The following CLIC4 variants were observed in gnomAD, a reference collection of about 807,000 sequenced individuals.
CLIC4 encodes CLIC family member 4.
In CLIC4, 13 loss-of-function variants were observed where a neutral mutation model predicts 24.6. The observed-to-expected ratio is 0.53, with a 90% CI of 0.34 to 0.84. The LOEUF (loss-of-function observed/expected upper bound fraction) is 0.84. Ranked by LOEUF, CLIC4 falls within the 40% of genes least tolerant of loss-of-function variation. The pLI is 0.01. For synonymous variants in CLIC4, 104 were observed against 111.3 expected (o/e 0.93, Z 0.41); for missense variants, 227 against 301.7 (o/e 0.75, Z 1.83).
intron 3 of CLIC4, among the ~76,000 whole-genome samples, chr1:24,823,401 C>T (rs1473352529): frequency 6.6e-6 from 1 of 152,110 alleles, no homozygotes; most frequent in African/African-American, 2.4e-5. Context: ...AGCTAACTTA[C>T]TGATAAAAGG....
chr1:24,827,098 A>C lies in CLIC4; in HGVS notation c.397A>C (p.Arg133=), dbSNP rs748598324. ...AKFSAYIKNS[R]PEANEALERG... ...ATTCTCTGCATATATCAAGAATTCA[A>C]GGCCAGAGGCTAATGAAGGTAAAAA... Residue 133 remains arginine (R), a synonymous_variant, in exon 4 of 6, where the codon AGG becomes CGG. Transcript: ENST00000374379. 6.2e-7 allele frequency: 1 copy of C among 1,605,784 alleles called. No individual in the cohort carries two copies. The highest frequency in any genetic ancestry group is 8.5e-7 in the Non-Finnish European group (1 of 1,176,892).
intron 2 of CLIC4, among the ~76,000 whole-genome samples, chr1:24,800,619 A>C (rs1639476561): frequency 6.6e-6 from 1 of 152,214 alleles, no homozygotes. Flanking sequence ...TTTGTGGAAT[A>C]GAAAGGCGGG....
intron 1 of CLIC4, among the ~76,000 whole-genome samples, chr1:24,768,267 T>C (rs1457406348): frequency 6.6e-6 from 1 of 152,242 alleles, no homozygotes; most frequent in African/African-American, 2.4e-5. Context: ...TTTTGAATTA[T>C]GGATTTTGGC....
At chr1:24,829,117 G>T (rs891071762) in intron 4 of CLIC4, among the ~76,000 whole-genome samples, 1 of 152,106 alleles carries the variant, frequency 6.6e-6, no homozygotes, top group Non-Finnish European at 1.5e-5. Flanking sequence ...CCACCCAGAT[G>T]CTGACAATTT....
chr1:24,840,287 G>A (rs558156791), intron 5 of CLIC4, among the ~76,000 whole-genome samples: 3 of 152,050 alleles, frequency 2.0e-5, no homozygotes, highest in Non-Finnish European at 4.4e-5. Flanking sequence ...GATATAATGC[G>A]TGACTTTGAA....
chr1:24,746,558 A>G (rs1483701585), intron 1 of CLIC4, among the ~76,000 whole-genome samples: 1 of 149,700 alleles, frequency 6.7e-6, no homozygotes, highest in Non-Finnish European at 1.5e-5. Flanking sequence ...CTCAAAACTT[A>G]AAAAAAACAC....
intron 1 of CLIC4, among the ~76,000 whole-genome samples, chr1:24,786,440 G>A (rs754080926): frequency 2.0e-5 from 3 of 152,182 alleles, no homozygotes; most frequent in Admixed American, 6.5e-5. Flanking sequence ...ACAGGGGTGT[G>A]AAGGGAAGAG....
Position 24,814,175 on chromosome 1 carries a change from A to G in CLIC4, c.264A>G (p.Val88=), listed in dbSNP as rs755482414. 19 of 1,613,984 alleles carry G rather than the reference A, an allele frequency of 1.2e-5. No homozygotes were observed. The highest frequency in any genetic ancestry group is 1.6e-5 in the Non-Finnish European group (19 of 1,179,988). Residue 88 remains valine, a synonymous_variant, in exon 3 of 6, where the codon GTA becomes GTG. Transcript: ENST00000374379. The stretch of plus-strand genomic sequence containing the variant: ...TCAACAGTGAAGTCAAAACGGATGT[A>G]AATAAGATTGAGGAATTTCTTGAAG... ...ITFNSEVKTD[V]NKIEEFLEEV...
At chr1:24,756,552 T>A (rs1186693603) in intron 1 of CLIC4, among the ~76,000 whole-genome samples, 1 of 152,200 alleles carries the variant, frequency 6.6e-6, no homozygotes, top group African/African-American at 2.4e-5. Flanking sequence ...GATTTAGTTC[T>A]CATTATAATA....
chr1:24,762,656 C>T (rs1638943448), intron 1 of CLIC4, among the ~76,000 whole-genome samples: 1 of 152,146 alleles, frequency 6.6e-6, no homozygotes, highest in African/African-American at 2.4e-5. Context: ...CCAGTTGTAT[C>T]AAGCTGAGTG....
intron 1 of CLIC4, among the ~76,000 whole-genome samples, chr1:24,781,699 G>T (rs1174896839): frequency 1.3e-5 from 2 of 149,874 alleles, no homozygotes; most frequent in South Asian, 4.2e-4. Flanking sequence ...ACGGAGTCTC[G>T]CACTGTTGCA....
chr1:24,757,637 G>A (rs1328524935), intron 1 of CLIC4, among the ~76,000 whole-genome samples: 1 of 152,050 alleles, frequency 6.6e-6, no homozygotes, highest in Non-Finnish European at 1.5e-5. Flanking sequence ...AGAAAAAGTG[G>A]TAGCTGTGAA....
intron 3 of CLIC4, among the ~76,000 whole-genome samples, chr1:24,818,994 G>A (rs769243506): frequency 1.6e-4 from 25 of 152,006 alleles, no homozygotes; most frequent in Non-Finnish European, 2.9e-4. Context: ...GACTTGGAGT[G>A]GCTGGAATGT....
intron 4 of CLIC4, among the ~76,000 whole-genome samples, chr1:24,839,484 A>G (rs1203591338): frequency 6.6e-6 from 1 of 152,080 alleles, no homozygotes; most frequent in Non-Finnish European, 1.5e-5. Flanking sequence ...TATTTTTAGT[A>G]GAGACGAGGT....
intron 2 of CLIC4, among the ~76,000 whole-genome samples, chr1:24,798,687 G>C (rs1432487657): frequency 6.6e-6 from 1 of 152,100 alleles, no homozygotes; most frequent in African/African-American, 2.4e-5. Context: ...CTCTTTCCAC[G>C]GTCTCCCTCT....
At chr1:24,818,086 G>A (rs1018686290) in intron 3 of CLIC4, among the ~76,000 whole-genome samples, 1 of 152,060 alleles carries the variant, frequency 6.6e-6, no homozygotes, top group Admixed American at 6.5e-5. Context: ...GAAATATTGC[G>A]AAAAATACCA....
rs559285216 is a variant in CLIC4, at chr1:24,831,020, C to T, written c.415+3904C>T. Among the ~76,000 whole-genome samples, 3 of 152,106 alleles carry T rather than the reference C, an allele frequency of 2.0e-5. No homozygotes were observed. In the Middle Eastern group the frequency reaches 0.01, roughly 517 times the overall value. ...TTTGTGTTTGTTTTATTGGCCATAC[C>T]TTATGTTGATACATATAATTGTATC... is the stretch of plus-strand genomic sequence containing the variant. On this transcript the variant is annotated intron_variant, in intron 4 of 5. Coordinates refer to ENST00000374379, the MANE Select transcript of CLIC4 (RefSeq NM_013943.3).
At position 24,766,036 on chromosome 1, in the gene CLIC4, G is replaced by A. The variant is rs544555951; in HGVS notation, c.72+20411G>A. On this transcript the variant is annotated intron_variant, in intron 1 of 5. Transcript: ENST00000374379. ...TTTTTTTCTTTTGAGATGGAGTCTC[G>A]CTCTGTTGCCAGGATGGAGTGCAGT... Among the ~76,000 whole-genome samples the A allele has an allele frequency of 1.8e-4, 28 of 151,740 alleles. No individual in the cohort carries two copies. In the East Asian group the frequency reaches 3.5e-3, roughly 19 times the overall value.
chr1:24,794,732 A>C (rs1392467173), intron 1 of CLIC4, among the ~76,000 whole-genome samples: 1 of 152,096 alleles, frequency 6.6e-6, no homozygotes, highest in South Asian at 2.1e-4. Flanking sequence ...TTTCGTTGCA[A>C]TTGTTTTTGG....
Sources: gnomAD v4.1 joint callset for allele counts (sites outside exome capture counted in the v4.1 genomes callset) on GRCh38, gnomAD v4.1.1 for gene constraint, MANE v1.5 for transcripts, NCBI Gene and HGNC (gene_info 2026-07-23, HGNC 2026-07-21) for gene names.